SASH1: variants seen among roughly 807,000 people sequenced by gnomAD.
SASH1 encodes the protein SAM and SH3 domain-containing protein 1.
In SASH1, 44 loss-of-function variants were observed where a neutral mutation model predicts 125.2. The observed-to-expected ratio is 0.35, with a 90% CI of 0.28 to 0.45. SASH1 has a LOEUF of 0.45. Ranked by LOEUF, SASH1 falls within the 20% of genes least tolerant of loss-of-function variation. SASH1 has a pLI of 1.00. For synonymous variants in SASH1, 639 were observed against 649.1 expected (o/e 0.98, Z 0.24); for missense variants, 1,426 against 1,614.5 (o/e 0.88, Z 2.00).
chr6:148,225,154 G>T, the SASH1 span, among the ~76,000 whole-genome samples: 3 of 152,334 alleles, frequency 2.0e-5, no homozygotes, highest in Non-Finnish European at 4.4e-5. Context: ...AGTGGCTATT[G>T]TTAACGCAAC....
chr6:148,295,767 C>G (rs1443834074), intron 1 of SASH1, among the ~76,000 whole-genome samples: 3 of 152,180 alleles, frequency 2.0e-5, no homozygotes, highest in Non-Finnish European at 4.4e-5. Context: ...TCCTGCCATG[C>G]CTCTCTCCTT....
chr6:148,326,419 T>TTTTCTTTTCTTTTCTTTTC (rs1562326411), intron 1 of SASH1, among the ~76,000 whole-genome samples: 1 of 80,616 alleles, frequency 1.2e-5, no homozygotes, highest in African/African-American at 4.3e-5. Flanking sequence ...CTTTTCTTTT[T>TTTTCTTTTCTTTTCTTTTC]TTTGAGACAG....
intron 12 of SASH1, among the ~76,000 whole-genome samples, chr6:148,531,265 A>ATT (rs139957587): frequency 1.1e-4 from 16 of 150,666 alleles, no homozygotes; most frequent in African/African-American, 3.9e-4. Flanking sequence ...TGGTAGACAG[A>ATT]TTTTTTTTTT....
At chr6:148,333,886 G>A (rs370870138) in intron 1 of SASH1, among the ~76,000 whole-genome samples, 2 of 152,030 alleles carry the variant, frequency 1.3e-5, no homozygotes, top group East Asian at 2.0e-4. Flanking sequence ...GCAGTGGCGT[G>A]ATCTCAGCTC....
intron 1 of SASH1, among the ~76,000 whole-genome samples, chr6:148,374,657 C>G (rs1461036843): frequency 6.6e-6 from 1 of 151,136 alleles, no homozygotes; most frequent in African/African-American, 2.4e-5. Context: ...TTGTTCTTTT[C>G]AAACTTAAAT....
At chr6:148,475,560 C>G (rs566247886) in intron 7 of SASH1, among the ~76,000 whole-genome samples, 1 of 152,196 alleles carries the variant, frequency 6.6e-6, no homozygotes, top group African/African-American at 2.4e-5. Context: ...AGTTTCACCT[C>G]TTAACACCGC....
intron 1 of SASH1, chr6:148,283,238 C>G (rs1318814227): frequency 6.6e-6 from 1 of 152,318 alleles, no homozygotes; most frequent in Non-Finnish European, 1.5e-5. Context: ...GACTGCAAGT[C>G]AGCTCCTTCC....
chr6:148,312,369 G>A (rs955895630), intron 1 of SASH1, among the ~76,000 whole-genome samples: 1 of 152,162 alleles, frequency 6.6e-6, no homozygotes, highest in Non-Finnish European at 1.5e-5. Context: ...GTGGTCAGGC[G>A]TGGTGGCTCA....
At chr6:148,474,847 C>A (rs926192875) in intron 7 of SASH1, among the ~76,000 whole-genome samples, 2 of 152,212 alleles carry the variant, frequency 1.3e-5, no homozygotes, top group Admixed American at 1.3e-4. Context: ...GTTGGAATTA[C>A]AGGCATAAGC....
chr6:148,350,451 A>G (rs1781688517), intron 1 of SASH1, among the ~76,000 whole-genome samples: 1 of 152,240 alleles, frequency 6.6e-6, no homozygotes, highest in South Asian at 2.1e-4. Flanking sequence ...CATTCTTTTA[A>G]AAGCTAATTG....
At chr6:148,388,064 C>A (rs891439719) in intron 1 of SASH1, among the ~76,000 whole-genome samples, 5 of 151,932 alleles carry the variant, frequency 3.3e-5, no homozygotes, top group South Asian at 2.1e-4. Flanking sequence ...TACAGGCATG[C>A]ACCACCATGC....
chr6:148,283,106 TAGA>T (rs1779388179), intron 1 of SASH1, among the ~76,000 whole-genome samples: 1 of 152,204 alleles, frequency 6.6e-6, no homozygotes, highest in Non-Finnish European at 1.5e-5. Context: ...GAAGTAATAT[TAGA>T]AGATTTACTT....
At chr6:148,396,624 T>C (rs1436242505) in intron 2 of SASH1, among the ~76,000 whole-genome samples, 1 of 152,110 alleles carries the variant, frequency 6.6e-6, no homozygotes, top group Non-Finnish European at 1.5e-5. Context: ...GTAGTGTCCA[T>C]TGTAACCAGT....
chr6:148,467,266 T>C (rs1203670067), intron 4 of SASH1, among the ~76,000 whole-genome samples: 1 of 152,044 alleles, frequency 6.6e-6, no homozygotes, highest in African/African-American at 2.4e-5. Flanking sequence ...CTAGCTAATT[T>C]TTGTATTTTT....
intron 8 of SASH1, among the ~76,000 whole-genome samples, chr6:148,492,624 C>A (rs1360473514): frequency 1.3e-5 from 2 of 151,978 alleles, no homozygotes; most frequent in Non-Finnish European, 2.9e-5. Flanking sequence ...TCAAGACCAT[C>A]CAGGCCAACA....
chr6:148,395,259 T>C (rs1783902169), intron 2 of SASH1, among the ~76,000 whole-genome samples: 1 of 152,242 alleles, frequency 6.6e-6, no homozygotes, highest in Non-Finnish European at 1.5e-5. Flanking sequence ...TATTTGTGTT[T>C]GGCTTTAAAA....
chr6:148,368,436 A>G (rs1191930052), intron 1 of SASH1, among the ~76,000 whole-genome samples: 3 of 152,066 alleles, frequency 2.0e-5, no homozygotes, highest in African/African-American at 7.2e-5. Flanking sequence ...ACACTCAGCT[A>G]ATTTTTGTGT....
the SASH1 span, among the ~76,000 whole-genome samples, chr6:148,198,884 G>A: frequency 6.6e-6 from 1 of 152,184 alleles, no homozygotes; most frequent in African/African-American, 2.4e-5. Context: ...AGCTAGTGCT[G>A]AGTATAGCTG....
chr6:148,337,027 T>C (rs1249869369), intron 1 of SASH1, among the ~76,000 whole-genome samples: 1 of 152,182 alleles, frequency 6.6e-6, no homozygotes, highest in African/African-American at 2.4e-5. Flanking sequence ...GCTTTTAAAC[T>C]TTTGTAATTC....
Sources: allele counts gnomAD v4.1 joint callset (sites outside exome capture counted in the v4.1 genomes callset), GRCh38; gene constraint gnomAD v4.1.1; transcripts MANE v1.5; gene names NCBI Gene and HGNC (gene_info 2026-07-23, HGNC 2026-07-21).